Variants in BRD10 observed in about 807,000 individuals in gnomAD.
BRD10 encodes bromodomain containing 10, also known as uncharacterized bromodomain-containing protein 10.
At chr9:5,980,667 C>A in the BRD10 span, among the ~76,000 whole-genome samples, 5 of 151,822 alleles carry the variant, frequency 3.3e-5, no homozygotes, top group Non-Finnish European at 7.4e-5. Flanking sequence ...CACACACACA[C>A]AATGTATATG....
chr9:6,001,598 T>C, the BRD10 span, among the ~76,000 whole-genome samples: 1 of 152,220 alleles, frequency 6.6e-6, no homozygotes, highest in Non-Finnish European at 1.5e-5. Flanking sequence ...CAAGGTAATG[T>C]TTGTCATTGT....
At chr9:5,923,359 T>C in the BRD10 span, 5 of 1,327,152 alleles carry the variant, frequency 3.8e-6, no homozygotes, top group South Asian at 2.8e-5. Context: ...AGCAACTAAA[T>C]AGTAATAACA....
At chr9:5,917,851 C>CA in the BRD10 span, among the ~76,000 whole-genome samples, 5 of 151,574 alleles carry the variant, frequency 3.3e-5, no homozygotes, top group East Asian at 1.9e-4. Context: ...GACCCCGTCT[C>CA]AAAAAAAAGA....
chr9:5,996,339 GACA>G, the BRD10 span, among the ~76,000 whole-genome samples: 5 of 151,700 alleles, frequency 3.3e-5, no homozygotes, highest in African/African-American at 1.2e-4. Flanking sequence ...TTGTTTTTGA[GACA>G]ACGTCTTACT....
chr9:5,966,426 T>C, the BRD10 span, among the ~76,000 whole-genome samples: 1 of 150,740 alleles, frequency 6.6e-6, no homozygotes, highest in African/African-American at 2.4e-5. Context: ...TTTTAAAATA[T>C]TATTTAATAT....
At chr9:5,967,694 G>GAAAAA in the BRD10 span, among the ~76,000 whole-genome samples, 6 of 123,712 alleles carry the variant, frequency 4.8e-5, no homozygotes, top group Non-Finnish European at 8.2e-5. Flanking sequence ...CCCTTAGCCT[G>GAAAAA]AAAAAAAAAA....
At chr9:5,991,756 A>G in the BRD10 span, among the ~76,000 whole-genome samples, 5 of 149,942 alleles carry the variant, frequency 3.3e-5, no homozygotes, top group African/African-American at 1.2e-4. Flanking sequence ...GGCAAATCAG[A>G]TGCCACTACC....
At chr9:5,891,402 T>C in the BRD10 span, 1 of 152,200 alleles carries the variant, frequency 6.6e-6, no homozygotes, top group South Asian at 2.1e-4. Flanking sequence ...AGAGGACTGG[T>C]GAGTTTGACT....
the BRD10 span, among the ~76,000 whole-genome samples, chr9:5,935,996 GTTATT>G: frequency 7.2e-5 from 11 of 151,944 alleles, no homozygotes; most frequent in Admixed American, 3.9e-4. Context: ...TTATGAACGA[GTTATT>G]TTGTTAGTTT....
At chr9:5,890,558 A>G in the BRD10 span, among the ~76,000 whole-genome samples, 46,635 of 151,994 alleles carry the variant, frequency 0.31, 8,068 homozygotes, top group African/African-American at 0.48. Flanking sequence ...TTAGACATCA[A>G]TTAGGTTGGT....
At chr9:5,980,936 TAAC>T in the BRD10 span, among the ~76,000 whole-genome samples, 31 of 152,210 alleles carry the variant, frequency 2.0e-4, 1 homozygote, top group East Asian at 2.9e-3. Flanking sequence ...ACAACAACAG[TAAC>T]AACAACAACA....
At chr9:5,883,462 C>CTTTTTTTT in the BRD10 span, among the ~76,000 whole-genome samples, 105 of 102,386 alleles carry the variant, frequency 1.0e-3, 2 homozygotes, top group African/African-American at 3.3e-3. Context: ...CCTTCTTCTT[C>CTTTTTTTT]TTTTTTTTTT....
At chr9:5,935,522 G>C in the BRD10 span, among the ~76,000 whole-genome samples, 2 of 152,186 alleles carry the variant, frequency 1.3e-5, no homozygotes, top group South Asian at 4.1e-4. Context: ...CCGTGGACTA[G>C]AAATTAACCA....
chr9:5,909,510 A>G, the BRD10 span: 1 of 152,410 alleles, frequency 6.6e-6, no homozygotes, highest in Non-Finnish European at 1.5e-5. Flanking sequence ...TGCCCGCCTC[A>G]GCCTCCCAAA....
the BRD10 span, among the ~76,000 whole-genome samples, chr9:5,984,965 A>C: frequency 6.6e-6 from 1 of 151,706 alleles, no homozygotes; most frequent in Non-Finnish European, 1.5e-5. Context: ...ACGAATTTGA[A>C]AAAAAAAACC....
the BRD10 span, chr9:5,921,148 C>T: frequency 6.2e-7 from 1 of 1,613,888 alleles, no homozygotes; most frequent in Non-Finnish European, 8.5e-7. Context: ...TTGACAATGG[C>T]AAAATATAGC....
chr9:5,964,777 A>G, the BRD10 span, among the ~76,000 whole-genome samples: 1 of 127,728 alleles, frequency 7.8e-6, no homozygotes, highest in Non-Finnish European at 1.7e-5. Context: ...GAAATTGGAA[A>G]TCATCATTCT....
chr9:6,002,473 T>C, the BRD10 span, among the ~76,000 whole-genome samples: 3 of 151,802 alleles, frequency 2.0e-5, no homozygotes, highest in Admixed American at 6.6e-5. Context: ...CAGTGGTAGG[T>C]AGGATGGGTG....
the BRD10 span, chr9:5,968,843 T>G: frequency 6.2e-7 from 1 of 1,613,754 alleles, no homozygotes. Flanking sequence ...CAAATAATCA[T>G]AACCAAGAAT....
Sources: allele counts gnomAD v4.1 joint callset (sites outside exome capture counted in the v4.1 genomes callset), GRCh38; gene constraint gnomAD v4.1.1; transcripts MANE v1.5; gene names NCBI Gene and HGNC (gene_info 2026-07-23, HGNC 2026-07-21).